TMPRSS6: variants seen among roughly 807,000 people sequenced by gnomAD.
TMPRSS6 encodes transmembrane protease serine 6.
TMPRSS6 carries 67 observed loss-of-function variants against 101.5 expected under a neutral mutation model. That is an observed-to-expected ratio of 0.66 (90% confidence interval 0.54 to 0.81). The LOEUF is 0.81. TMPRSS6 is among the 30% of genes least tolerant of loss of function. TMPRSS6 has a pLI of 0.00. For synonymous variants in TMPRSS6, 453 were observed against 464.9 expected (o/e 0.97, Z 0.33); for missense variants, 1,034 against 1,088.7 (o/e 0.95, Z 0.71).
intron 10 of TMPRSS6, among the ~76,000 whole-genome samples, chr22:37,075,961 G>A (rs967671108): frequency 4.1e-5 from 6 of 146,448 alleles, no homozygotes; most frequent in African/African-American, 1.5e-4. Context: ...AAGGAAGGAA[G>A]GGAGGGAGGG....
chr22:37,106,235 T>C (rs867949137), intron 1 of TMPRSS6, among the ~76,000 whole-genome samples: 10 of 151,886 alleles, frequency 6.6e-5, no homozygotes, highest in African/African-American at 1.7e-4. Flanking sequence ...TCAAGCAGAT[T>C]GACTTCAGAG....
chr22:37,089,485 C>T, intron 7 of TMPRSS6, 93 bp downstream of exon 7: 1 of 1,285,204 alleles, frequency 7.8e-7, no homozygotes, highest in African/African-American at 1.5e-5. Flanking sequence ...TCCTACCCTC[C>T]CTTGTCTAAG....
chr22:37,069,081 C>A lies in TMPRSS6; in HGVS notation c.2105G>T (p.Arg702Leu), dbSNP rs115310908. ...AAGTCCCCGCTGCTCACCGCCCTCG[C>A]GCAAGGCGCCCCAGCCCGTAATCCA... ...HCWITGWGAL[R>L]EGGPISNALQ... The change falls in exon 16 of 18, where the codon CGC (arginine) becomes CTC (leucine). Residue 702 changes from arginine (R) to leucine (L), a missense_variant. Transcript: ENST00000676104. The surrounding 1 kb of genome is among the most constrained non-coding windows in gnomAD (Gnocchi z 4.8). 8.1e-4 allele frequency: 1,243 copies of A among 1,543,202 alleles called. 10 individuals carry two copies. In the African/African-American group the frequency reaches 0.016, roughly 19 times the overall value.
intron 2 of TMPRSS6, among the ~76,000 whole-genome samples, chr22:37,099,218 G>A (rs1048645043): frequency 1.3e-5 from 2 of 152,196 alleles, no homozygotes; most frequent in African/African-American, 4.8e-5. Context: ...AGAGAAGAGG[G>A]AGGGAAGTAC....
At chr22:37,102,966 G>A (rs142613566) in intron 2 of TMPRSS6, among the ~76,000 whole-genome samples, 2 of 152,032 alleles carry the variant, frequency 1.3e-5, no homozygotes, top group South Asian at 4.1e-4. Flanking sequence ...CCCACCTGGT[G>A]GGGAGCTTTG....
chr22:37,085,086 G>A (rs975874184), intron 8 of TMPRSS6, among the ~76,000 whole-genome samples: 3 of 152,186 alleles, frequency 2.0e-5, no homozygotes, highest in Admixed American at 6.5e-5. Context: ...TGTAGTAAGT[G>A]CTCGATCCGT....
intron 7 of TMPRSS6, among the ~76,000 whole-genome samples, chr22:37,088,297 T>C (rs9607412): frequency 0.49 from 74,951 of 151,898 alleles, 19,787 homozygotes; most frequent in African/African-American, 0.69. Context: ...GAGAGCAGCT[T>C]GGAGAGGCCC....
chr22:37,066,918 G>A lies in TMPRSS6; in HGVS notation c.2158C>T (p.Pro720Ser). 6.2e-7 allele frequency: 1 copy of A among 1,614,144 alleles called. No homozygotes were observed. The highest frequency in any genetic ancestry group is 2.2e-5 in the East Asian group (1 of 44,884). ...ALQKVDVQLI[P>S]QDLCSEVYRY... ...TAGACCTCGCTGCACAGGTCCTGTG[G>A]GATCAACTGCACATCCACTTTCTGC... is the stretch of plus-strand genomic sequence containing the variant. Residue 720 changes from proline to serine, a missense_variant, in exon 17 of 18, where the codon CCA becomes TCA. Transcript: ENST00000676104.
At chr22:37,095,468 C>T in intron 6 of TMPRSS6, 83 bp downstream of exon 6, 1 of 1,531,512 alleles carries the variant, frequency 6.5e-7, no homozygotes, top group South Asian at 1.2e-5. Context: ...CAACAGAAGC[C>T]ATGTGTCCCC....
rs368625259 is a variant in TMPRSS6 at position 37,084,419 on chromosome 22, C to G, written c.1087-15G>C. The stretch of plus-strand genomic sequence containing the variant: ...AGAGAGGGCACCTGGGAGGGAGGAG[C>G]GGGCCATCAGGTGGCCCATGGGGTG... On this transcript the variant is annotated splice_polypyrimidine_tract_variant and intron_variant, in intron 9 of 17. Transcript: ENST00000676104. 1.1e-5 allele frequency: 17 copies of G among 1,599,766 alleles called. No homozygotes were observed. The highest frequency in any genetic ancestry group is 1.3e-5 in the African/African-American group (1 of 74,504).
chr22:37,086,463 G>C lies in TMPRSS6; in HGVS notation c.837-44C>G, dbSNP rs779209585. ...GGCAAGGCTGGGCTGGGGTCTGGGA[G>C]GGGAGTGGCAGGGAGGGCGGCAGGC... On this transcript the variant is annotated intron_variant, in intron 7 of 17. Coordinates refer to ENST00000676104, the MANE Select transcript of TMPRSS6 (RefSeq NM_001374504.1). The C allele has an allele frequency of 2.6e-6, 4 of 1,554,504 alleles. No homozygotes were observed. In the South Asian group the frequency reaches 4.7e-5, roughly 18 times the overall value.
At chr22:37,095,478 C>T (rs1929659330) in intron 6 of TMPRSS6, 73 bp downstream of exon 6, 1 of 1,568,452 alleles carries the variant, frequency 6.4e-7, no homozygotes, top group Middle Eastern at 1.7e-4. Context: ...CATGTGTCCC[C>T]CTGATACACA....
chr22:37,069,361 TGG>T lies in TMPRSS6; in HGVS notation c.1842-19_1842-18del. On this transcript the variant is annotated intron_variant, in intron 15 of 17. Transcript: ENST00000676104. The surrounding 1 kb of genome is among the most constrained non-coding windows in gnomAD (Gnocchi z 4.8). ...GAGGCCATGCTGGGGTGGGGTGGGG[TGG>T]GGTGGGGTGGGGTGAGGTGAGGTGG... 5 of 122,446 alleles carry T rather than the reference TGG, an allele frequency of 4.1e-5. No individual in the cohort carries two copies. The highest frequency in any genetic ancestry group is 6.7e-5 in the South Asian group (1 of 15,036). 7.6% of individuals were successfully genotyped at this position (122,446 alleles called of 1,614,324 possible).
chr22:37,106,632 C>T (rs750817752), intron 1 of TMPRSS6, among the ~76,000 whole-genome samples: 1 of 152,272 alleles, frequency 6.6e-6, no homozygotes, highest in African/African-American at 2.4e-5. Flanking sequence ...GCCTCCATTG[C>T]GTCTTCCAGC....
Position 37,069,026 on chromosome 22 carries a change from T to C in TMPRSS6, c.2113+47A>G. 1.3e-6 allele frequency: 2 copies of C among 1,532,596 alleles called. No individual in the cohort carries two copies. Among genetic ancestry groups the C allele is most frequent in the African/African-American group, 2.7e-5 (2 of 73,018 alleles). The allele number at this position is 1,532,596 out of a possible 1,614,324, so 94.9% of individuals were successfully genotyped here. ...TCCAGGCCAGGTGTTACGGCGCAGA[T>C]CCGCACGGTCTCCCTCCGCCTCCCG... On this transcript the variant is annotated intron_variant, in intron 16 of 17. Transcript: ENST00000676104. The surrounding 1 kb of genome is among the most constrained non-coding windows in gnomAD (Gnocchi z 4.8).
chr22:37,084,119 G>A (rs1244256995), intron 10 of TMPRSS6, 176 bp downstream of exon 10: 2 of 652,478 alleles, frequency 3.1e-6, no homozygotes, highest in Non-Finnish European at 5.6e-6. Flanking sequence ...CGGAGGCTGG[G>A]ACGAGGACAA....
At chr22:37,075,640 C>T (rs1927566409) in intron 10 of TMPRSS6, among the ~76,000 whole-genome samples, 1 of 152,182 alleles carries the variant, frequency 6.6e-6, no homozygotes, top group South Asian at 2.1e-4. Flanking sequence ...CAGTGGCTCA[C>T]ACCTATAATC....
intron 10 of TMPRSS6, among the ~76,000 whole-genome samples, chr22:37,076,687 C>T (rs1375273451): frequency 2.0e-5 from 3 of 152,158 alleles, no homozygotes; most frequent in Non-Finnish European, 2.9e-5. Flanking sequence ...CCACAGCAGC[C>T]GGGGGTTCCT....
At position 37,109,602 on chromosome 22, in the gene TMPRSS6, C is replaced by A. The variant is rs1930946582; in HGVS notation, c.-101G>T. On this transcript the variant is annotated 5_prime_UTR_variant, in exon 1 of 18. Transcript: ENST00000676104. ...CCCACCCCCACCCAGCCAGCCCAGG[C>A]TGGATCAATGGCCTAGAGCCATGAC... The A allele has an allele frequency of 6.6e-6, 1 of 152,374 alleles. No homozygotes were observed. The highest frequency in any genetic ancestry group is 2.4e-5 in the African/African-American group (1 of 41,462). 9.4% of individuals were successfully genotyped at this position (152,374 alleles called of 1,614,324 possible).
Sources: allele counts gnomAD v4.1 joint callset (sites outside exome capture counted in the v4.1 genomes callset), GRCh38; gene constraint gnomAD v4.1.1; non-coding constraint Gnocchi (gnomAD v3.1); transcripts MANE v1.5; gene names NCBI Gene and HGNC (gene_info 2026-07-23, HGNC 2026-07-21).